DNTTIP2: variants seen among roughly 807,000 people sequenced by gnomAD.
DNTTIP2 encodes deoxynucleotidyltransferase terminal interacting protein 2.
A neutral mutation model predicts 62.4 loss-of-function variants in DNTTIP2; 47 were observed. The observed-to-expected ratio is 0.75, with a 90% CI of 0.60 to 0.96. DNTTIP2 has a LOEUF of 0.96. Among genes scored for constraint, DNTTIP2 ranks in the 40% least tolerant of loss-of-function variants. The pLI is 0.00. For synonymous variants in DNTTIP2, 322 were observed against 300.9 expected, an observed-to-expected ratio of 1.07 and a Z score of -0.73; for missense variants, 870 against 849.1, an observed-to-expected ratio of 1.02 and a Z score of -0.31.
intron 1 of DNTTIP2, 112 bp downstream of exon 1, chr1:93,878,965 C>T (rs1437232356): frequency 2.9e-6 from 4 of 1,385,908 alleles, no homozygotes; most frequent in African/African-American, 1.4e-5. Flanking sequence ...GCGGCAAGCT[C>T]GGGTCCTCTC....
At chr1:93,874,099 C>T (rs182600061) in intron 3 of DNTTIP2, among the ~76,000 whole-genome samples, 1 of 152,286 alleles carries the variant, frequency 6.6e-6, no homozygotes, top group Admixed American at 6.5e-5. Flanking sequence ...TCCTATCACT[C>T]ATAAAAGGGG....
chr1:93,873,840 T>C (rs1655932226), intron 3 of DNTTIP2, among the ~76,000 whole-genome samples: 1 of 152,206 alleles, frequency 6.6e-6, no homozygotes, highest in African/African-American at 2.4e-5. Context: ...CTTTTGTTAC[T>C]TGACTAGGAT....
At position 93,876,809 on chromosome 1, in the gene DNTTIP2, T is replaced by C; in HGVS notation, c.1126A>G (p.Asn376Asp). ...TTTATGGGGCTCTTTTTGTTGTTAT[T>C]CCATCTGCCTACTTCCACAGTTGCA... The part of the protein sequence containing the change: ...TFATVEVGRW[N>D]NNKKSPIKAS... Residue 376 changes from asparagine (N) to aspartate (D), a missense_variant, in exon 2 of 7, where the codon AAT becomes GAT. By Grantham distance (23) the Asn-to-Asp change is conservative. Coordinates refer to ENST00000436063, the MANE Select transcript of DNTTIP2 (RefSeq NM_014597.5). 1.3e-5 allele frequency: 21 copies of C among 1,613,972 alleles called. No homozygotes were observed. The highest frequency in any genetic ancestry group is 1.8e-5 in the Non-Finnish European group (21 of 1,179,884).
Position 93,867,996 on chromosome 1 carries a change from T to C in DNTTIP2, c.*1855A>G, listed in dbSNP as rs374999109. 6 of 152,074 alleles carry C rather than the reference T, an allele frequency of 3.9e-5. No homozygotes were observed. Among genetic ancestry groups the C allele is most frequent in the South Asian group, 2.1e-4 (1 of 4,826 alleles). The allele number at this position is 152,074 out of a possible 1,614,324, so 9.4% of individuals were successfully genotyped here. On this transcript the variant is annotated 3_prime_UTR_variant, in exon 7 of 7. Transcript: ENST00000436063. ...AAAGCAATGGCAACAAAAGGCAAAA[T>C]TGACAAGTGGGATCTAATTAAACTA...
chr1:93,873,260 A>G (rs763396566), intron 3 of DNTTIP2, 46 bp from the exon 4 acceptor site: 4 of 1,454,544 alleles, frequency 2.7e-6, no homozygotes, highest in Non-Finnish European at 2.9e-6. Flanking sequence ...AGAATGTTAT[A>G]TAAGTTTTTC....
At chr1:93,874,790 A>G (rs1306803056) in intron 3 of DNTTIP2, among the ~76,000 whole-genome samples, 1 of 152,154 alleles carries the variant, frequency 6.6e-6, no homozygotes, top group African/African-American at 2.4e-5. Context: ...TACCTTGCCC[A>G]GCCGGATTTG....
At chr1:93,873,622 C>CA (rs34279982) in intron 3 of DNTTIP2, among the ~76,000 whole-genome samples, 139 of 134,296 alleles carry the variant, frequency 1.0e-3, no homozygotes, top group Middle Eastern at 3.8e-3. Context: ...AGCTCCCTCC[C>CA]AAAAAAAAAA....
At chr1:93,875,532 A>T in intron 3 of DNTTIP2, 113 bp downstream of exon 3, 1 of 1,063,426 alleles carries the variant, frequency 9.4e-7, no homozygotes, top group Non-Finnish European at 1.3e-6. Flanking sequence ...GGAAAAAACT[A>T]ACACATTAGG....
intron 3 of DNTTIP2, 53 bp from the exon 4 acceptor site, chr1:93,873,267 T>G: frequency 7.2e-7 from 1 of 1,393,292 alleles, no homozygotes; most frequent in Non-Finnish European, 1.0e-6. Context: ...TATATAAGTT[T>G]TTCAACAGTT....
chr1:93,870,570 ATATGT>A (rs1473418156), intron 6 of DNTTIP2, 108 bp downstream of exon 6: 13 of 497,180 alleles, frequency 2.6e-5, no homozygotes, highest in African/African-American at 3.9e-5. Context: ...ATTCATGTTA[ATATGT>A]TATGGGTTAT....
At position 93,875,636 on chromosome 1, in the gene DNTTIP2, T is replaced by A; in HGVS notation, c.1806+9A>T. The A allele has an allele frequency of 6.2e-7, 1 of 1,606,020 alleles. No homozygotes were observed. The highest frequency in any genetic ancestry group is 8.5e-7 in the Non-Finnish European group (1 of 1,177,868). On this transcript the variant is annotated intron_variant, in intron 3 of 6. Coordinates refer to ENST00000436063, the MANE Select transcript of DNTTIP2 (RefSeq NM_014597.5). ...GTTCTGTGAAAACCTAACAGCACAA[T>A]TAACTTACCTCATTTTTCTTTTTCT... is the stretch of plus-strand genomic sequence containing the variant.
rs1053238271 is a variant in DNTTIP2, at chr1:93,879,073, C to T, written c.72+4G>A. The T allele has an allele frequency of 1.8e-5, 29 of 1,613,508 alleles. No homozygotes were observed. Among genetic ancestry groups the T allele is most frequent in the Non-Finnish European group, 2.4e-5 (28 of 1,179,858 alleles). ...CGAGAAGTAGGGAAGACTGGATTTC[C>T]TACCTTTTGCCCGGAACTTTCAGCC... On this transcript the variant is annotated splice_donor_region_variant and intron_variant, in intron 1 of 6. Coordinates refer to ENST00000436063, the MANE Select transcript of DNTTIP2 (RefSeq NM_014597.5).
rs1269151943 is a variant in DNTTIP2 at position 93,868,967 on chromosome 1, C to A, written c.*884G>T. ...ACCTATGTAACCTGCATGTTCTACA[C>A]ATGTACCCCAAAACTATTATTAAAA... On this transcript the variant is annotated 3_prime_UTR_variant, in exon 7 of 7. Transcript: ENST00000436063. The A allele has an allele frequency of 7.3e-6, 1 of 137,402 alleles. No individual in the cohort carries two copies. The highest frequency in any genetic ancestry group is 7.5e-5 in the Admixed American group (1 of 13,336). The allele number at this position is 137,402 out of a possible 1,614,324, so 8.5% of individuals were successfully genotyped here. A position where few individuals can be genotyped will look rare whatever the true frequency, so the allele number is the denominator to read the frequency against.
intron 6 of DNTTIP2, among the ~76,000 whole-genome samples, chr1:93,870,442 AGTGTTTTCCAGGGGCTAC>A (rs1431337595): frequency 6.6e-6 from 1 of 152,134 alleles, no homozygotes; most frequent in Non-Finnish European, 1.5e-5. Flanking sequence ...TCATGAGTGT[AGTGTTTTCCAGGGGCTAC>A]GTGATGTATG....
In DNTTIP2 at chr1:93,868,156, C is replaced by T. The variant is rs1571180392; in HGVS notation, c.*1695G>A. The T allele has an allele frequency of 1.3e-5, 2 of 152,022 alleles. No individual in the cohort carries two copies. The highest frequency in any genetic ancestry group is 4.8e-5 in the African/African-American group (2 of 41,390). 9.4% of individuals were successfully genotyped at this position (152,022 alleles called of 1,614,324 possible). A position where few individuals can be genotyped will look rare whatever the true frequency, so the allele number is the denominator to read the frequency against. ...TCTACAAAGAACTTAAACAAATTTA[C>T]AAGAAAAAACCCCATCAAAAAGTGG... On this transcript the variant is annotated 3_prime_UTR_variant, in exon 7 of 7. Coordinates refer to ENST00000436063, the MANE Select transcript of DNTTIP2 (RefSeq NM_014597.5).
Position 93,872,147 on chromosome 1 carries a change from C to T in DNTTIP2, c.1992G>A (p.Leu664=). 3 of 1,613,856 alleles carry T rather than the reference C, an allele frequency of 1.9e-6. No homozygotes were observed. Among genetic ancestry groups the T allele is most frequent in the Non-Finnish European group, 2.5e-6 (3 of 1,179,808 alleles). ...TNELKNDLKA[L]KMRASMDPKR... is the part of the protein sequence containing the mutation. ...TCGGGTCCATGCTGGCTCTCATCTT[C>T]AGTGCTTTGAGATCATTTTTCAGTT... Residue 664 remains leucine (L), a synonymous_variant, in exon 5 of 7, where the codon CTG becomes CTA. Coordinates refer to ENST00000436063, the MANE Select transcript of DNTTIP2 (RefSeq NM_014597.5).
chr1:93,870,755 T>C lies in DNTTIP2; in HGVS notation c.2105A>G (p.His702Arg). Residue 702 changes from histidine (H) to arginine (R), a missense_variant, in exon 6 of 7, where the codon CAT (histidine) becomes CGT (arginine). By Grantham distance (29) the His-to-Arg change is conservative (BLOSUM62 0). Transcript: ENST00000436063. ...CCTTTGCTTCTTGGGAATTCGTGAATGGTAGAAATCAGCTGGATTGTCAAC... is the reference window on the plus strand; with the variant it reads ...CCTTTGCTTCTTGGGAATTCGTGAACGGTAGAAATCAGCTGGATTGTCAAC... ...TIVDNPADFY[H>R]SRIPKKQRKR... 6.4e-7 allele frequency: 1 copy of C among 1,570,458 alleles called. No homozygotes were observed. The highest frequency in any genetic ancestry group is 8.7e-7 in the Non-Finnish European group (1 of 1,154,934).
Position 93,873,264 on chromosome 1 carries a change from G to A in DNTTIP2, c.1807-50C>T, listed in dbSNP as rs373846753. ...AAAATAATGTCAGAATGTTATATAA[G>A]TTTTTCAACAGTTTAAACTTCTGTA... On this transcript the variant is annotated intron_variant, in intron 3 of 6. Transcript: ENST00000436063. 9.9e-6 allele frequency: 14 copies of A among 1,409,054 alleles called. No homozygotes were observed. In the African/African-American group the frequency reaches 1.9e-4, roughly 19 times the overall value. The allele number at this position is 1,409,054 out of a possible 1,614,324, so 87.3% of individuals were successfully genotyped here. A position where few individuals can be genotyped will look rare whatever the true frequency, so the allele number is the denominator to read the frequency against.
At chr1:93,873,285 C>A in intron 3 of DNTTIP2, 71 bp from the exon 4 acceptor site, 1 of 1,251,680 alleles carries the variant, frequency 8.0e-7, no homozygotes, top group South Asian at 1.3e-5. Context: ...GTTTAAACTT[C>A]TGTAAGTTTT....
Sources: gnomAD v4.1 joint callset for allele counts (sites outside exome capture counted in the v4.1 genomes callset) on GRCh38, gnomAD v4.1.1 for gene constraint, MANE v1.5 for transcripts, NCBI Gene and HGNC (gene_info 2026-07-23, HGNC 2026-07-21) for gene names.